Variants in EPAS1 observed in about 807,000 individuals in gnomAD.
The protein encoded by EPAS1 is endothelial PAS domain protein 1.
Under a neutral mutation model 87.9 loss-of-function variants are expected in EPAS1, and 23 were observed. That is an observed-to-expected ratio of 0.26 (90% CI 0.19 to 0.37). The LOEUF is 0.37. Ranked by LOEUF, EPAS1 falls within the 10% of genes least tolerant of loss-of-function variation. The probability of loss-of-function intolerance (pLI) is 1.00; values close to 1 mark genes in which losing one functional copy is unlikely to be tolerated. For synonymous variants in EPAS1, 508 were observed against 444.3 expected (o/e 1.14, Z -1.80); for missense variants, 1,138 against 1,120.7 (o/e 1.02, Z -0.22).
intron 1 of EPAS1, among the ~76,000 whole-genome samples, chr2:46,332,332 G>GTGTGTGTGTGTATATA (rs146630883): frequency 2.8e-5 from 4 of 142,116 alleles, no homozygotes; most frequent in African/African-American, 1.1e-4. Context: ...GTGTGTGTGT[G>GTGTGTGTGTGTATATA]TATCAACTTG....
intron 6 of EPAS1, among the ~76,000 whole-genome samples, chr2:46,367,881 T>C (rs951166857): frequency 3.3e-5 from 5 of 152,218 alleles, no homozygotes; most frequent in Non-Finnish European, 7.3e-5. Flanking sequence ...ATGGATAGAC[T>C]ATCATGACAG....
chr2:46,382,425 A>G lies in EPAS1; in HGVS notation c.2288A>G (p.Asp763Gly), dbSNP rs1490959124. ...DKPLSANVPN[D>G]KFTQNPMRGL... ...TCACTCTCTGACTTTGGTCTTTCAGATAAGTTCACCCAAAACCCCATGAGG... is the reference window on the plus strand; with the variant it reads ...TCACTCTCTGACTTTGGTCTTTCAGGTAAGTTCACCCAAAACCCCATGAGG... Residue 763 changes from aspartate (D) to glycine (G), a missense_variant and splice_region_variant, in exon 15 of 16, where the codon GAT becomes GGT. Coordinates refer to ENST00000263734, the MANE Select transcript of EPAS1 (RefSeq NM_001430.5). The G allele has an allele frequency of 3.7e-6, 6 of 1,614,016 alleles. No homozygotes were observed. Among genetic ancestry groups the G allele is most frequent in the Non-Finnish European group, 5.1e-6 (6 of 1,180,004 alleles).
Position 46,380,496 on chromosome 2 carries a change from C to G in EPAS1, c.1824C>G (p.Phe608Leu), listed in dbSNP as rs201500220. The G allele has an allele frequency of 5.2e-5, 84 of 1,614,090 alleles. No individual in the cohort carries two copies. The Middle Eastern group carries it at 6.6e-4, about 13-fold the overall frequency. ...AGCACCGGCCCATGTCCTCCATCTTCTTTGATGCCGGAAGCAAAGCATCCC... is the reference window on the plus strand; with the variant it reads ...AGCACCGGCCCATGTCCTCCATCTTGTTTGATGCCGGAAGCAAAGCATCCC... Reference protein sequence around the residue: ...EPEHRPMSSIFFDAGSKASLP... With the variant: ...EPEHRPMSSILFDAGSKASLP... The change falls in exon 12 of 16, where the codon TTC (phenylalanine) becomes TTG (leucine). Residue 608 changes from phenylalanine to leucine, a missense_variant. Physicochemically the swap from Phe to Leu is conservative, Grantham distance 22. Around this residue, in one of 4 missense-constraint regions of EPAS1, gnomAD observed 502 missense variants for 427.1 expected, o/e 1.18. Transcript: ENST00000263734. This position sits in a 1 kb window ranked among gnomAD's most constrained non-coding sequence, Gnocchi z 4.4.
chr2:46,338,417 G>A (rs1386072887), intron 1 of EPAS1, among the ~76,000 whole-genome samples: 1 of 152,206 alleles, frequency 6.6e-6, no homozygotes, highest in Non-Finnish European at 1.5e-5. Flanking sequence ...CAGGGGTCGG[G>A]CAGTGGCAGA....
In EPAS1 at chr2:46,384,680, C is replaced by T; in HGVS notation, c.*20C>T. On this transcript the variant is annotated 3_prime_UTR_variant, in exon 16 of 16. Coordinates refer to ENST00000263734, the MANE Select transcript of EPAS1 (RefSeq NM_001430.5). ...ACCTGAGCCAGGCCTTCTACCTGGG[C>T]AGCACCTCTGCCGACGCCGTCCCAC... 2.5e-6 allele frequency: 4 copies of T among 1,612,642 alleles called. No individual in the cohort carries two copies. Among genetic ancestry groups the T allele is most frequent in the Non-Finnish European group, 3.4e-6 (4 of 1,179,836 alleles).
At chr2:46,308,143 T>G (rs1683144289) in intron 1 of EPAS1, among the ~76,000 whole-genome samples, 1 of 152,154 alleles carries the variant, frequency 6.6e-6, no homozygotes, top group Non-Finnish European at 1.5e-5. Context: ...CATTCCCACT[T>G]CTATTCCCTC....
intron 1 of EPAS1, among the ~76,000 whole-genome samples, chr2:46,333,451 A>G (rs1683727295): frequency 8.3e-6 from 1 of 120,460 alleles, no homozygotes; most frequent in South Asian, 2.7e-4. Flanking sequence ...AGGCTCGGTA[A>G]GATGCTCAGA....
At chr2:46,303,921 C>CT (rs1457739572) in intron 1 of EPAS1, among the ~76,000 whole-genome samples, 2 of 152,186 alleles carry the variant, frequency 1.3e-5, no homozygotes, top group African/African-American at 4.8e-5. Flanking sequence ...TGAGGTGCCG[C>CT]TTAATCTTCC....
Position 46,367,927 on chromosome 2 carries a change from G to A in EPAS1, c.780-1900G>A, listed in dbSNP as rs192653047. On this transcript the variant is annotated intron_variant, in intron 6 of 15. Coordinates refer to ENST00000263734, the MANE Select transcript of EPAS1 (RefSeq NM_001430.5). ...TGTGTGTGTGCGCGTGCATGTGTGC[G>A]CACACACATTGAGACAGTTAATCAT... 1.9e-4 allele frequency among the ~76,000 whole-genome samples: 29 copies of A among 152,238 alleles called. No individual in the cohort carries two copies. In the East Asian group the frequency reaches 3.7e-3, roughly 19 times the overall value.
intron 1 of EPAS1, among the ~76,000 whole-genome samples, chr2:46,328,438 T>G (rs920228075): frequency 6.6e-6 from 1 of 152,174 alleles, no homozygotes; most frequent in African/African-American, 2.4e-5. Flanking sequence ...AAATGACAGA[T>G]GAAGTGCAAG....
intron 1 of EPAS1, among the ~76,000 whole-genome samples, chr2:46,299,289 C>A (rs957753647): frequency 1.3e-5 from 2 of 152,194 alleles, no homozygotes; most frequent in Non-Finnish European, 2.9e-5. Flanking sequence ...CCCTTCACTG[C>A]GGGATCGCTA....
intron 1 of EPAS1, among the ~76,000 whole-genome samples, chr2:46,298,185 G>C (rs1682925351): frequency 6.6e-6 from 1 of 152,334 alleles, no homozygotes; most frequent in African/African-American, 2.4e-5. Flanking sequence ...CCAGGAGGCC[G>C]AGGGAGATGG....
At chr2:46,323,032 C>G (rs1683482078) in intron 1 of EPAS1, among the ~76,000 whole-genome samples, 1 of 152,238 alleles carries the variant, frequency 6.6e-6, no homozygotes, top group Non-Finnish European at 1.5e-5. Context: ...CTTGTGTGAG[C>G]TCCAGTCTTA....
intron 6 of EPAS1, among the ~76,000 whole-genome samples, chr2:46,364,449 C>G (rs1189592272): frequency 6.6e-6 from 1 of 152,114 alleles, no homozygotes; most frequent in Non-Finnish European, 1.5e-5. Context: ...AGAGAAAAGA[C>G]AACTCTAATT....
intron 1 of EPAS1, among the ~76,000 whole-genome samples, chr2:46,332,241 T>C (rs1373403162): frequency 1.3e-5 from 2 of 148,314 alleles, no homozygotes; most frequent in Non-Finnish European, 3.0e-5. Context: ...CTGTCACCTG[T>C]CAGTGTTAAT....
chr2:46,336,332 G>T (rs548485684), intron 1 of EPAS1, among the ~76,000 whole-genome samples: 1 of 152,094 alleles, frequency 6.6e-6, no homozygotes. Flanking sequence ...GGAGTAGAAC[G>T]TTTGCATAGA....
At chr2:46,352,068 C>G (rs563628193) in intron 2 of EPAS1, among the ~76,000 whole-genome samples, 1 of 152,334 alleles carries the variant, frequency 6.6e-6, no homozygotes, top group African/African-American at 2.4e-5. Context: ...CTCCCCAGGA[C>G]GGGCATGCAC....
chr2:46,311,367 T>C (rs1027972086), intron 1 of EPAS1, among the ~76,000 whole-genome samples: 6 of 152,036 alleles, frequency 3.9e-5, no homozygotes, highest in Admixed American at 1.3e-4. Flanking sequence ...CCTCTACAGT[T>C]AGGTGGAAAG....
At chr2:46,314,539 T>C (rs1267602257) in intron 1 of EPAS1, among the ~76,000 whole-genome samples, 1 of 152,226 alleles carries the variant, frequency 6.6e-6, no homozygotes, top group Non-Finnish European at 1.5e-5. Flanking sequence ...ATCAGCTGGA[T>C]GATCTCTCTG....
Sources: allele counts gnomAD v4.1 joint callset (sites outside exome capture counted in the v4.1 genomes callset), GRCh38; gene constraint gnomAD v4.1.1; regional missense constraint gnomAD v4.1.1; non-coding constraint Gnocchi (gnomAD v3.1); transcripts MANE v1.5; gene names NCBI Gene and HGNC (gene_info 2026-07-23, HGNC 2026-07-21).